The following GABRB3 variants were observed in gnomAD, a reference collection of about 807,000 sequenced individuals.
GABRB3 encodes gamma-aminobutyric acid receptor subunit beta-3.
In GABRB3, 14 loss-of-function variants were observed where a neutral mutation model predicts 52.1. That is an observed-to-expected ratio of 0.27 (90% confidence interval 0.18 to 0.42). The LOEUF is 0.42. Among genes scored for constraint, GABRB3 ranks in the 10% least tolerant of loss-of-function variants. The pLI is 1.00. For missense variants in GABRB3, 307 were observed against 609.1 expected (o/e 0.50, Z 5.22); for synonymous variants, 260 against 232.3 (o/e 1.12, Z -1.08).
intron 3 of GABRB3, among the ~76,000 whole-genome samples, chr15:26,651,066 C>G (rs758621874): frequency 6.6e-6 from 1 of 152,344 alleles, no homozygotes. Flanking sequence ...CCCAAAAAGG[C>G]TGTTACACAG....
intron 3 of GABRB3, among the ~76,000 whole-genome samples, chr15:26,694,139 C>T (rs1331130774): frequency 6.6e-6 from 1 of 151,962 alleles, no homozygotes; most frequent in Non-Finnish European, 1.5e-5. Flanking sequence ...TCTTAAAATC[C>T]ACCCATAGAG....
intron 4 of GABRB3, among the ~76,000 whole-genome samples, chr15:26,599,576 C>T (rs530323067): frequency 6.6e-6 from 1 of 152,340 alleles, no homozygotes; most frequent in Non-Finnish European, 1.5e-5. Flanking sequence ...GCACAGTCAG[C>T]AGCTTCATTC....
Position 26,720,812 on chromosome 15 carries a change from AAC to A in GABRB3, c.240+51588_240+51589del, listed in dbSNP as rs577188438. On this transcript the variant is annotated intron_variant, in intron 3 of 8. Transcript: ENST00000311550. The stretch of plus-strand genomic sequence containing the variant: ...GAAGGACGAACTGCTGAGGAACAGG[AAC>A]ACCTTACTTCTGCAACATGGAACCT... Among the ~76,000 whole-genome samples the A allele has an allele frequency of 5.9e-5, 9 of 152,344 alleles. No individual in the cohort carries two copies. In the South Asian group the frequency reaches 1.7e-3, roughly 28 times the overall value.
At chr15:26,582,477 A>G (rs1890821729) in intron 5 of GABRB3, among the ~76,000 whole-genome samples, 1 of 152,148 alleles carries the variant, frequency 6.6e-6, no homozygotes. Flanking sequence ...ATCACTTGAC[A>G]TGGCTTATGT....
intron 3 of GABRB3, among the ~76,000 whole-genome samples, chr15:26,718,050 A>G (rs1889543352): frequency 6.6e-6 from 1 of 152,260 alleles, no homozygotes; most frequent in Admixed American, 6.5e-5. Flanking sequence ...AATGTCATAC[A>G]TAACCTATCT....
At chr15:26,773,589 T>C, upstream of GABRB3, 3 of 1,436,742 alleles carry the variant, frequency 2.1e-6, no homozygotes, top group Non-Finnish European at 2.9e-6. Flanking sequence ...CCCGCCGGAC[T>C]GCGGGCCGCC....
At chr15:26,576,619 A>C (rs559541746) in intron 6 of GABRB3, among the ~76,000 whole-genome samples, 69 of 152,336 alleles carry the variant, frequency 4.5e-4, no homozygotes, top group African/African-American at 1.6e-3. Context: ...AGCCAGTAAG[A>C]AATCTGTATC....
At chr15:26,552,509 T>C (rs1343160699) in intron 8 of GABRB3, among the ~76,000 whole-genome samples, 2 of 152,198 alleles carry the variant, frequency 1.3e-5, no homozygotes, top group Non-Finnish European at 2.9e-5. Flanking sequence ...CAGGTGCCCA[T>C]GGCAGTAGCA....
At chr15:26,637,164 T>C (rs796412017) in intron 3 of GABRB3, among the ~76,000 whole-genome samples, 8 of 152,306 alleles carry the variant, frequency 5.3e-5, no homozygotes, top group African/African-American at 1.9e-4. Flanking sequence ...AGCTTAGTTC[T>C]GGCAACAACA....
intron 3 of GABRB3, among the ~76,000 whole-genome samples, chr15:26,630,777 G>T (rs1011675697): frequency 6.6e-6 from 1 of 152,102 alleles, no homozygotes; most frequent in Non-Finnish European, 1.5e-5. Context: ...TCTCAGTATT[G>T]GTGTGTGTAT....
In GABRB3 at chr15:26,547,764, G is replaced by GA. The variant is rs1195212879; in HGVS notation, c.*28dup. The GA allele has an allele frequency of 6.4e-7, 1 of 1,571,892 alleles. No individual in the cohort carries two copies. Among genetic ancestry groups the GA allele is most frequent in the African/African-American group, 1.3e-5 (1 of 74,074 alleles). ...AGTAATATTTCACTCAGTGTTAAATGAAGTCTTTGAAAAATCAAGTACAGT... is the reference window on the plus strand; with the variant it reads ...AGTAATATTTCACTCAGTGTTAAATGAAAGTCTTTGAAAAATCAAGTACAGT... On this transcript the variant is annotated 3_prime_UTR_variant, in exon 9 of 9. Transcript: ENST00000311550.
At chr15:26,630,614 C>T (rs77774723) in intron 3 of GABRB3, among the ~76,000 whole-genome samples, 1 of 152,086 alleles carries the variant, frequency 6.6e-6, no homozygotes, top group African/African-American at 2.4e-5. Flanking sequence ...AAAACAGAAC[C>T]TTTCTTTAAA....
chr15:26,740,279 A>G (rs1240995533), intron 3 of GABRB3, among the ~76,000 whole-genome samples: 1 of 152,114 alleles, frequency 6.6e-6, no homozygotes, highest in Non-Finnish European at 1.5e-5. Context: ...GGATAATGTG[A>G]AAAGTGCAGC....
Position 26,606,792 on chromosome 15 carries a change from A to ATC in GABRB3, c.461+14521_461+14522insGA, listed in dbSNP as rs1566770629. 2.0e-3 allele frequency among the ~76,000 whole-genome samples: 107 copies of ATC among 54,790 alleles called. 1 individual carries two copies. Among genetic ancestry groups the ATC allele is most frequent in the African/African-American group, 3.9e-3 (97 of 24,560 alleles). 35.9% of individuals were successfully genotyped at this position (54,790 alleles called of 152,430 possible). ...TCTATAGATAGATAGATATATCTAT[A>ATC]GATAGATATATCTATAGATAGATAG... On this transcript the variant is annotated intron_variant, in intron 4 of 8. Coordinates refer to ENST00000311550, the MANE Select transcript of GABRB3 (RefSeq NM_000814.6).
intron 4 of GABRB3, among the ~76,000 whole-genome samples, chr15:26,599,472 G>A (rs1488658276): frequency 6.6e-6 from 1 of 152,214 alleles, no homozygotes; most frequent in Non-Finnish European, 1.5e-5. Flanking sequence ...AGGGAATACA[G>A]TCCATAACCA....
At chr15:26,772,538 G>A in intron 2 of GABRB3, 69 bp from the exon 3 acceptor site, 1 of 1,534,662 alleles carries the variant, frequency 6.5e-7, no homozygotes, top group Non-Finnish European at 8.9e-7. Flanking sequence ...CTGAGGACTG[G>A]GGGCTATCCC....
chr15:26,762,875 A>C (rs1463097612), intron 3 of GABRB3, among the ~76,000 whole-genome samples: 4 of 152,246 alleles, frequency 2.6e-5, no homozygotes, highest in Admixed American at 2.6e-4. Context: ...GACACCTCAC[A>C]GGGAATTTTG....
At position 26,686,792 on chromosome 15, in the gene GABRB3, A is replaced by T. The variant is rs1888421026; in HGVS notation, c.241-65258T>A. ...GGGCACCCGGCGTGGGATGCCATCC[A>T]GGAGTCGCTGTGAATGGCCAACTTG... On this transcript the variant is annotated intron_variant, in intron 3 of 8. Coordinates refer to ENST00000311550, the MANE Select transcript of GABRB3 (RefSeq NM_000814.6). Among the ~76,000 whole-genome samples the T allele has an allele frequency of 2.0e-5, 3 of 152,254 alleles. No individual in the cohort carries two copies. The South Asian group carries it at 6.2e-4, about 31-fold the overall frequency.
At chr15:26,700,698 A>G (rs28588963) in intron 3 of GABRB3, among the ~76,000 whole-genome samples, 3,474 of 152,362 alleles carry the variant, frequency 0.023, 135 homozygotes, top group African/African-American at 0.079. Flanking sequence ...TAAGAAAAAA[A>G]ATTGGTTGAT....
Sources: allele counts gnomAD v4.1 joint callset (sites outside exome capture counted in the v4.1 genomes callset), GRCh38; gene constraint gnomAD v4.1.1; transcripts MANE v1.5; gene names NCBI Gene and HGNC (gene_info 2026-07-23, HGNC 2026-07-21).